The following EFCAB5 variants were observed in gnomAD, a reference collection of about 807,000 sequenced individuals.
EFCAB5 encodes the protein EF-hand calcium binding domain 5.
A neutral mutation model predicts 167.9 loss-of-function variants in EFCAB5; 131 were observed. The ratio of observed to expected loss-of-function variants is 0.78; its 90% CI spans 0.68 to 0.90. EFCAB5 has a LOEUF of 0.90. EFCAB5 is among the 40% of genes least tolerant of loss of function. EFCAB5 has a pLI of 0.00. For synonymous variants in EFCAB5, 574 were observed against 602.8 expected (o/e 0.95, Z 0.70); for missense variants, 1,663 against 1,745.2 (o/e 0.95, Z 0.84).
At chr17:29,942,829 G>A (rs927458503) in intron 2 of EFCAB5, among the ~76,000 whole-genome samples, 2 of 152,160 alleles carry the variant, frequency 1.3e-5, no homozygotes, top group Non-Finnish European at 2.9e-5. Flanking sequence ...CTTGAGGTCA[G>A]GAGTTCAAGA....
chr17:30,102,124 G>A (rs1394010406), intron 22 of EFCAB5, among the ~76,000 whole-genome samples: 1 of 149,284 alleles, frequency 6.7e-6, no homozygotes. Flanking sequence ...AGGTGTGCTG[G>A]TAGAAGTCTA....
chr17:29,930,140 C>T (rs1223748076), intron 1 of EFCAB5: 4 of 747,324 alleles, frequency 5.4e-6, no homozygotes, highest in Non-Finnish European at 8.6e-6. Context: ...GCGGGAACGG[C>T]CGCAGACTCC....
At chr17:30,094,547 G>C (rs1022976545) in intron 22 of EFCAB5, among the ~76,000 whole-genome samples, 1 of 151,256 alleles carries the variant, frequency 6.6e-6, no homozygotes, top group Non-Finnish European at 1.5e-5. Flanking sequence ...ACTGGGTGTG[G>C]TGGTGCACGC....
intron 7 of EFCAB5, among the ~76,000 whole-genome samples, chr17:30,032,632 T>C (rs1356968721): frequency 6.6e-6 from 1 of 152,178 alleles, no homozygotes; most frequent in Non-Finnish European, 1.5e-5. Context: ...TTCCTTTTAG[T>C]TTCCCAACAT....
chr17:29,941,682 T>C lies in EFCAB5; in HGVS notation c.-115T>C. The C allele has an allele frequency of 1.1e-6, 1 of 914,242 alleles. No homozygotes were observed. Among genetic ancestry groups the C allele is most frequent in the South Asian group, 1.7e-5 (1 of 58,178 alleles). The allele number at this position is 914,242 out of a possible 1,614,324, so 56.6% of individuals were successfully genotyped here. A position where few individuals can be genotyped will look rare whatever the true frequency, so the allele number is the denominator to read the frequency against. ...GAGGTGAGGGCAGGAGTGAGGGAGC[T>C]TTTTTAACTTCTGGAGTACTTTGTG... is the stretch of plus-strand genomic sequence containing the variant. On this transcript the variant is annotated 5_prime_UTR_variant, in exon 1 of 23. Transcript: ENST00000394835.
chr17:29,937,221 C>T (rs1187080034), upstream of EFCAB5, among the ~76,000 whole-genome samples: 1 of 151,778 alleles, frequency 6.6e-6, no homozygotes, highest in African/African-American at 2.4e-5. Flanking sequence ...TTTGAGACTC[C>T]TGTCGCCCAG....
Position 29,969,088 on chromosome 17 carries a change from C to G in EFCAB5, c.488C>G (p.Thr163Ser). 2.5e-6 allele frequency: 4 copies of G among 1,613,590 alleles called. No individual in the cohort carries two copies. In the South Asian group the frequency reaches 4.4e-5, roughly 18 times the overall value. Residue 163 changes from threonine (T) to serine (S), a missense_variant, in exon 4 of 23, where the codon ACT (threonine) becomes AGT (serine). Thr to Ser is a moderately conservative substitution (Grantham distance 58, BLOSUM62 1). Transcript: ENST00000394835. ...RDNLAKEWFN[T>S]DSMTLNNTAY... The stretch of plus-strand genomic sequence containing the variant: ...AATTTGGCCAAAGAGTGGTTTAATA[C>G]TGACAGCATGACACTGAATAATACT...
chr17:30,054,030 C>T lies in EFCAB5; in HGVS notation c.2076C>T (p.Tyr692=), dbSNP rs774606040. Residue 692 remains tyrosine (Y), a synonymous_variant, in exon 10 of 23, where the codon TAC becomes TAT. Transcript: ENST00000394835. ...TKYGEPITSE[Y]IEVPLQEKRS... Reference sequence around the variant, plus strand: ...ATGGGGAACCTATAACCTCTGAGTACATTGAAGTCCCTCTACAGGAAAAGA... The same window carrying T: ...ATGGGGAACCTATAACCTCTGAGTATATTGAAGTCCCTCTACAGGAAAAGA... 6.2e-7 allele frequency: 1 copy of T among 1,606,632 alleles called. No individual in the cohort carries two copies. The highest frequency in any genetic ancestry group is 1.7e-5 in the Admixed American group (1 of 58,428).
At chr17:30,054,250 C>A in intron 10 of EFCAB5, 102 bp downstream of exon 10, 1 of 1,390,796 alleles carries the variant, frequency 7.2e-7, no homozygotes, top group Non-Finnish European at 9.5e-7. Context: ...TTTTTTCTGG[C>A]ATATCAGATC....
At chr17:30,016,586 T>A (rs555568193) in intron 7 of EFCAB5, among the ~76,000 whole-genome samples, 2 of 152,332 alleles carry the variant, frequency 1.3e-5, no homozygotes, top group African/African-American at 4.8e-5. Context: ...CATAAAATTT[T>A]GGTCAAAATT....
chr17:29,976,962 A>G (rs921531744), intron 4 of EFCAB5, among the ~76,000 whole-genome samples: 2 of 152,180 alleles, frequency 1.3e-5, no homozygotes, highest in African/African-American at 4.8e-5. Flanking sequence ...TATATGTGCA[A>G]TGTAATTTAC....
At chr17:30,038,778 G>T (rs888695494) in intron 8 of EFCAB5, among the ~76,000 whole-genome samples, 1 of 152,136 alleles carries the variant, frequency 6.6e-6, no homozygotes, top group Non-Finnish European at 1.5e-5. Flanking sequence ...GAGATCTTTT[G>T]TATCCATGCT....
Position 30,080,069 on chromosome 17 carries a change from T to G in EFCAB5, c.3028-3T>G. On this transcript the variant is annotated splice_polypyrimidine_tract_variant and splice_region_variant and intron_variant, in intron 15 of 22. Transcript: ENST00000394835. The stretch of plus-strand genomic sequence containing the variant: ...ACACATGGTCGGAAACGTTTTGCTG[T>G]AGGATGCTGAAGCCCATGGAAATAA... 6 of 1,603,412 alleles carry G rather than the reference T, an allele frequency of 3.7e-6. No homozygotes were observed. The highest frequency in any genetic ancestry group is 5.1e-6 in the Non-Finnish European group (6 of 1,175,594).
intron 7 of EFCAB5, among the ~76,000 whole-genome samples, chr17:30,019,794 A>G (rs1713717563): frequency 6.6e-6 from 1 of 152,128 alleles, no homozygotes; most frequent in Admixed American, 6.6e-5. Flanking sequence ...TTTTAGAAGA[A>G]TTCCTAAAAT....
At chr17:29,940,861 G>A (rs2067288600), upstream of EFCAB5, among the ~76,000 whole-genome samples, 1 of 151,960 alleles carries the variant, frequency 6.6e-6, no homozygotes, top group Admixed American at 6.6e-5. Context: ...CCAACATGGT[G>A]AAACCCTGTC....
chr17:30,005,866 G>C (rs1757705683), intron 7 of EFCAB5, among the ~76,000 whole-genome samples: 1 of 152,200 alleles, frequency 6.6e-6, no homozygotes. Context: ...CATCAGTCTT[G>C]CCACATAGCA....
In EFCAB5 at chr17:30,090,221, T is replaced by A. The variant is rs958550432; in HGVS notation, c.3684-200T>A. The stretch of plus-strand genomic sequence containing the variant: ...AGGGACGCCTTCTCTGCCGAGGGGA[T>A]GTTTGAGCAGAGACATGAGTGAGCA... On this transcript the variant is annotated intron_variant, in intron 19 of 22. Coordinates refer to ENST00000394835, the MANE Select transcript of EFCAB5 (RefSeq NM_198529.4). 43 of 655,304 alleles carry A rather than the reference T, an allele frequency of 6.6e-5. No individual in the cohort carries two copies. In the East Asian group the frequency reaches 1.2e-3, roughly 19 times the overall value. 40.6% of individuals were successfully genotyped at this position (655,304 alleles called of 1,614,324 possible). A position where few individuals can be genotyped will look rare whatever the true frequency, so the allele number is the denominator to read the frequency against.
chr17:29,942,425 G>A lies in EFCAB5; in HGVS notation c.105+123G>A, dbSNP rs79411908. 3.9e-3 allele frequency: 3,319 copies of A among 846,276 alleles called. 127 individuals carry two copies. In the East Asian group the frequency reaches 0.08, roughly 20 times the overall value. The allele number at this position is 846,276 out of a possible 1,614,324, so 52.4% of individuals were successfully genotyped here. A position where few individuals can be genotyped will look rare whatever the true frequency, so the allele number is the denominator to read the frequency against. ...GATAACTAAAATTGCAAAAGGAAAA[G>A]GACAAACTCATGTTGATTATTAAGC... On this transcript the variant is annotated intron_variant, in intron 2 of 22. Transcript: ENST00000394835.
chr17:29,953,269 C>G (rs558894135), intron 3 of EFCAB5, among the ~76,000 whole-genome samples: 11 of 152,272 alleles, frequency 7.2e-5, no homozygotes, highest in African/African-American at 2.6e-4. Context: ...ATCAGGAACA[C>G]AGTCCCATTC....
Sources: allele counts gnomAD v4.1 joint callset (sites outside exome capture counted in the v4.1 genomes callset), GRCh38; gene constraint gnomAD v4.1.1; transcripts MANE v1.5; gene names NCBI Gene and HGNC (gene_info 2026-07-23, HGNC 2026-07-21).